Variants in EIF4ENIF1 observed in about 807,000 individuals in gnomAD.
EIF4ENIF1 encodes eukaryotic translation initiation factor 4E transporter.
EIF4ENIF1 carries 23 observed loss-of-function variants against 110.5 expected under a neutral mutation model. The ratio of observed to expected loss-of-function variants is 0.21; its 90% CI spans 0.15 to 0.29. EIF4ENIF1 has a LOEUF of 0.29. Among genes scored for constraint, EIF4ENIF1 ranks in the 10% least tolerant of loss-of-function variants. The probability of loss-of-function intolerance (pLI) is 1.00; values close to 1 mark genes in which losing one functional copy is unlikely to be tolerated. For missense variants in EIF4ENIF1, 1,031 were observed against 1,221.1 expected (o/e 0.84, Z 2.32); for synonymous variants, 440 against 437.0 (o/e 1.01, Z -0.09).
intron 14 of EIF4ENIF1, among the ~76,000 whole-genome samples, chr22:31,446,477 T>C (rs1011414575): frequency 6.6e-6 from 1 of 152,028 alleles, no homozygotes; most frequent in African/African-American, 2.4e-5. Context: ...TCTCAGTATC[T>C]TCTGAAAGGG....
At chr22:31,490,994 A>G (rs2052259256), upstream of EIF4ENIF1, among the ~76,000 whole-genome samples, 1 of 152,208 alleles carries the variant, frequency 6.6e-6, no homozygotes, top group African/African-American at 2.4e-5. Flanking sequence ...TTTCGTTTGT[A>G]TTACTGAATA....
intron 2 of EIF4ENIF1, among the ~76,000 whole-genome samples, chr22:31,480,260 C>T (rs1487965909): frequency 6.6e-6 from 1 of 152,162 alleles, no homozygotes; most frequent in Non-Finnish European, 1.5e-5. Context: ...TGGGGAATTA[C>T]TAGTATGAAC....
At chr22:31,477,880 TC>T (rs1298632177) in intron 2 of EIF4ENIF1, among the ~76,000 whole-genome samples, 2 of 152,174 alleles carry the variant, frequency 1.3e-5, no homozygotes, top group South Asian at 2.1e-4. Context: ...AAGTAAGACT[TC>T]TTAAATCAGT....
At chr22:31,471,078 G>T (rs1458390390) in intron 3 of EIF4ENIF1, among the ~76,000 whole-genome samples, 1 of 151,814 alleles carries the variant, frequency 6.6e-6, no homozygotes, top group African/African-American at 2.4e-5. Flanking sequence ...TAGGATTATT[G>T]TAGGAGATTT....
chr22:31,437,224 G>C (rs537666760), downstream of EIF4ENIF1: 2 of 152,312 alleles, frequency 1.3e-5, no homozygotes, highest in Non-Finnish European at 2.9e-5. Context: ...GATTTTCCAT[G>C]ATATGCTTTG....
chr22:31,447,514 G>A lies in EIF4ENIF1; in HGVS notation c.1900C>T (p.His634Tyr). 1 of 1,612,980 alleles carries A rather than the reference G, an allele frequency of 6.2e-7. No individual in the cohort carries two copies. The highest frequency in any genetic ancestry group is 8.5e-7 in the Non-Finnish European group (1 of 1,179,510). ...QAALEGLALP[H>Y]DLAVQAANFY... ...TTTGCTGCCTGTACAGCAAGGTCAT[G>A]TGGCAAGGCCAGCCCTTCTAAAGCT... Residue 634 changes from histidine to tyrosine, a missense_variant, in exon 14 of 19, where the codon CAT becomes TAT. His to Tyr is a moderately conservative substitution (Grantham distance 83, BLOSUM62 2). Around this residue, in one of 3 missense-constraint regions of EIF4ENIF1, gnomAD observed 704 missense variants for 879.7 expected, o/e 0.80. Transcript: ENST00000330125.
At chr22:31,452,625 A>C (rs1351761469) in intron 10 of EIF4ENIF1, among the ~76,000 whole-genome samples, 1 of 152,260 alleles carries the variant, frequency 6.6e-6, no homozygotes, top group Non-Finnish European at 1.5e-5. Flanking sequence ...GCTAATTATA[A>C]GATATGAACC....
intron 2 of EIF4ENIF1, among the ~76,000 whole-genome samples, chr22:31,487,070 CAA>C (rs34019421): frequency 1.4e-5 from 2 of 146,074 alleles, no homozygotes; most frequent in Non-Finnish European, 1.5e-5. Flanking sequence ...AACTCCATCT[CAA>C]AAAAAAAAAA....
intron 8 of EIF4ENIF1, 64 bp from the exon 9 acceptor site, chr22:31,455,379 G>T: frequency 4.7e-4 from 465 of 981,680 alleles, no homozygotes; most frequent in Non-Finnish European, 5.8e-4. Context: ...GCCTTCGACA[G>T]TATTTTTCTT....
intron 2 of EIF4ENIF1, among the ~76,000 whole-genome samples, chr22:31,481,328 AT>A (rs35792669): frequency 0.75 from 110,622 of 147,666 alleles, 41,381 homozygotes; most frequent in Non-Finnish European, 0.79. Context: ...ACCTCTGGCA[AT>A]TTTTTTTTTT....
intron 5 of EIF4ENIF1, 22 bp downstream of exon 5, chr22:31,463,651 TAAAAAAAA>T: frequency 2.2e-6 from 3 of 1,333,726 alleles, no homozygotes; most frequent in South Asian, 3.0e-5. Flanking sequence ...CGTCTCAATT[TAAAAAAAA>T]AAAAAAAAAA....
At chr22:31,469,794 G>T (rs1373553601) in intron 3 of EIF4ENIF1, among the ~76,000 whole-genome samples, 2 of 152,136 alleles carry the variant, frequency 1.3e-5, no homozygotes, top group Non-Finnish European at 2.9e-5. Context: ...CTGGACTCAG[G>T]TGATCCTCCC....
chr22:31,458,697 C>T, intron 6 of EIF4ENIF1, 47 bp from the exon 7 acceptor site: 2 of 1,492,676 alleles, frequency 1.3e-6, no homozygotes, highest in Non-Finnish European at 1.8e-6. Context: ...TAAATCACTC[C>T]AGTGTCCCTC....
In EIF4ENIF1 at chr22:31,443,026, C is replaced by A. The variant is rs753462432; in HGVS notation, c.2142G>T (p.Glu714Asp). 75 of 1,614,054 alleles carry A rather than the reference C, an allele frequency of 4.6e-5. 1 individual carries two copies. The South Asian group carries it at 7.4e-4, about 16-fold the overall frequency. Residue 714 changes from glutamate to aspartate, a missense_variant, in exon 16 of 19, where the codon GAG becomes GAT. Physicochemically the swap from Glu to Asp is conservative, Grantham distance 45. Around this residue, in one of 3 missense-constraint regions of EIF4ENIF1, gnomAD observed 309 missense variants for 299.1 expected, o/e 1.03. Coordinates refer to ENST00000330125, the MANE Select transcript of EIF4ENIF1 (RefSeq NM_019843.4). Reference protein sequence around the residue: ...KMYESKEKSKEEPASGKAALG... With the variant: ...KMYESKEKSKDEPASGKAALG... ...GAGCTGCTTTTCCAGATGCTGGCTC[C>A]TCCTTGCTTTTCTCTTTGCTCTCGT...
At chr22:31,463,216 A>G in intron 5 of EIF4ENIF1, 83 bp from the exon 6 acceptor site, 1 of 1,332,584 alleles carries the variant, frequency 7.5e-7, no homozygotes. Flanking sequence ...GTAATGTTCA[A>G]TAGTGAAAGG....
At chr22:31,446,772 G>A (rs2050493484) in intron 14 of EIF4ENIF1, among the ~76,000 whole-genome samples, 1 of 152,106 alleles carries the variant, frequency 6.6e-6, no homozygotes, top group African/African-American at 2.4e-5. Context: ...CTACACATTT[G>A]TTTTATATAG....
intron 1 of EIF4ENIF1, 50 bp from the exon 2 acceptor site, chr22:31,488,795 G>A (rs2052143805): frequency 1.3e-6 from 2 of 1,541,438 alleles, no homozygotes; most frequent in Non-Finnish European, 1.7e-6. Flanking sequence ...TAAGTTTTCA[G>A]AAATCTTGGC....
chr22:31,468,409 T>C, intron 3 of EIF4ENIF1, 107 bp from the exon 4 acceptor site: 1 of 1,504,510 alleles, frequency 6.6e-7, no homozygotes, highest in Non-Finnish European at 9.0e-7. Context: ...ATTTCTCCTT[T>C]TTTGAGACAG....
chr22:31,463,506 C>T (rs1285039199), intron 5 of EIF4ENIF1, among the ~76,000 whole-genome samples, 175 bp downstream of exon 5: 1 of 151,932 alleles, frequency 6.6e-6, no homozygotes, highest in East Asian at 1.9e-4. Context: ...CATGGAGAAA[C>T]CCCGTCTCTA....
Sources: allele counts gnomAD v4.1 joint callset (sites outside exome capture counted in the v4.1 genomes callset), GRCh38; gene constraint gnomAD v4.1.1; regional missense constraint gnomAD v4.1.1; transcripts MANE v1.5; gene names NCBI Gene and HGNC (gene_info 2026-07-23, HGNC 2026-07-21).